The following NAA30 variants were observed in gnomAD, a reference collection of about 807,000 sequenced individuals.
NAA30 encodes N-alpha-acetyltransferase 30, NatC catalytic subunit.
A neutral mutation model predicts 31.4 loss-of-function variants in NAA30; 5 were observed. The observed-to-expected ratio is 0.16, with a 90% CI of 0.08 to 0.33. The LOEUF is 0.33. Among genes scored for constraint, NAA30 ranks in the 10% least tolerant of loss-of-function variants. The probability of loss-of-function intolerance (pLI) is 1.00; values close to 1 mark genes in which losing one functional copy is unlikely to be tolerated. For missense variants in NAA30, 428 were observed against 490.8 expected (o/e 0.87, Z 1.21); for synonymous variants, 222 against 207.1 (o/e 1.07, Z -0.62).
intron 2 of NAA30, among the ~76,000 whole-genome samples, chr14:57,394,604 G>A (rs979362277): frequency 3.9e-5 from 6 of 152,120 alleles, no homozygotes; most frequent in Non-Finnish European, 5.9e-5. Context: ...CATCGTAATG[G>A]TGTATGATAT....
At chr14:57,398,642 TA>T (rs936891913) in intron 3 of NAA30, among the ~76,000 whole-genome samples, 5 of 58,834 alleles carry the variant, frequency 8.5e-5, no homozygotes, top group African/African-American at 1.4e-4. Context: ...TTTTTATTAT[TA>T]TTTTTTTTTG....
intron 4 of NAA30, among the ~76,000 whole-genome samples, chr14:57,405,751 TA>T (rs1240633591): frequency 6.6e-6 from 1 of 152,232 alleles, no homozygotes; most frequent in East Asian, 1.9e-4. Flanking sequence ...GAAGGGCTTC[TA>T]GGTGCCAGAC....
intron 2 of NAA30, among the ~76,000 whole-genome samples, chr14:57,395,799 C>G (rs775677776): frequency 6.6e-6 from 1 of 152,062 alleles, no homozygotes; most frequent in African/African-American, 2.4e-5. Flanking sequence ...AAAAATGAGA[C>G]TATGCTACAC....
chr14:57,405,710 C>T (rs150838283), intron 4 of NAA30, among the ~76,000 whole-genome samples: 1 of 152,130 alleles, frequency 6.6e-6, no homozygotes, highest in Admixed American at 6.5e-5. Flanking sequence ...AAGAGCAGTA[C>T]TGTTTGTTGT....
At chr14:57,407,049 A>G (rs2139766064) in intron 4 of NAA30, among the ~76,000 whole-genome samples, 1 of 152,098 alleles carries the variant, frequency 6.6e-6, no homozygotes, top group East Asian at 1.9e-4. Flanking sequence ...ACACACCACC[A>G]CACCTGGCTA....
At position 57,405,421 on chromosome 14, in the gene NAA30, G is replaced by GTATATA. The variant is rs57769501; in HGVS notation, c.952-3947_952-3942dup. Among the ~76,000 whole-genome samples, 642 of 149,130 alleles carry GTATATA rather than the reference G, an allele frequency of 4.3e-3. 7 individuals carry two copies. The East Asian group carries it at 0.062, about 14-fold the overall frequency. On this transcript the variant is annotated intron_variant, in intron 4 of 4. Coordinates refer to ENST00000556492, the MANE Select transcript of NAA30 (RefSeq NM_001011713.3). ...ATGTATTTACTAATAATATATATGT[G>GTATATA]TATATATATATATATAAAACATCTT... is the stretch of plus-strand genomic sequence containing the variant.
intron 2 of NAA30, among the ~76,000 whole-genome samples, chr14:57,395,743 A>T (rs989189818): frequency 6.6e-6 from 1 of 152,194 alleles, no homozygotes; most frequent in African/African-American, 2.4e-5. Flanking sequence ...AACTATAAAT[A>T]TTCTGAGAGC....
chr14:57,398,195 T>C (rs1310359691), intron 3 of NAA30, among the ~76,000 whole-genome samples: 1 of 152,176 alleles, frequency 6.6e-6, no homozygotes, highest in Non-Finnish European at 1.5e-5. Context: ...ATATGTTAGG[T>C]TTAGCCAACT....
chr14:57,411,162 T>C lies in NAA30; in HGVS notation c.*1646T>C, dbSNP rs1045828686. ...TAAAAATAAAGATACACAATTTATATTTGAAAATAAAAACTTTCTGCTGGT... is the reference window on the plus strand; with the variant it reads ...TAAAAATAAAGATACACAATTTATACTTGAAAATAAAAACTTTCTGCTGGT... On this transcript the variant is annotated 3_prime_UTR_variant, in exon 5 of 5. Coordinates refer to ENST00000556492, the MANE Select transcript of NAA30 (RefSeq NM_001011713.3). The C allele has an allele frequency of 1.3e-5, 2 of 152,318 alleles. No homozygotes were observed. Among genetic ancestry groups the C allele is most frequent in the African/African-American group, 4.8e-5 (2 of 41,418 alleles). 9.4% of individuals were successfully genotyped at this position (152,318 alleles called of 1,614,324 possible).
intron 2 of NAA30, among the ~76,000 whole-genome samples, chr14:57,394,011 T>TG (rs1451954178): frequency 1.3e-5 from 2 of 151,544 alleles, no homozygotes; most frequent in African/African-American, 4.9e-5. Context: ...TAACCTGTAA[T>TG]GGGTCAATGG....
In NAA30 at chr14:57,411,487, A is replaced by G. The variant is rs1049383176; in HGVS notation, c.*1971A>G. 7.2e-5 allele frequency: 11 copies of G among 152,142 alleles called. No individual in the cohort carries two copies. Among genetic ancestry groups the G allele is most frequent in the Non-Finnish European group, 1.3e-4 (9 of 67,980 alleles). 9.4% of individuals were successfully genotyped at this position (152,142 alleles called of 1,614,324 possible). Reference sequence around the variant, plus strand: ...CTGGTTGATACATAATGGTTGATGAACATATATTTGCTTAAATCACTAATA... The same window carrying G: ...CTGGTTGATACATAATGGTTGATGAGCATATATTTGCTTAAATCACTAATA... On this transcript the variant is annotated 3_prime_UTR_variant, in exon 5 of 5. Coordinates refer to ENST00000556492, the MANE Select transcript of NAA30 (RefSeq NM_001011713.3).
intron 2 of NAA30, among the ~76,000 whole-genome samples, chr14:57,396,410 T>TAGG (rs1555337654): frequency 7.9e-5 from 12 of 151,724 alleles, no homozygotes; most frequent in East Asian, 1.9e-4. Flanking sequence ...TTCCAGAACC[T>TAGG]TAGGTCTTTG....
chr14:57,415,639 G>A lies in NAA30; in HGVS notation c.*6123G>A, dbSNP rs1160363691. 1 of 152,150 alleles carries A rather than the reference G, an allele frequency of 6.6e-6. No individual in the cohort carries two copies. The highest frequency in any genetic ancestry group is 1.5e-5 in the Non-Finnish European group (1 of 68,030). 9.4% of individuals were successfully genotyped at this position (152,150 alleles called of 1,614,324 possible). On this transcript the variant is annotated 3_prime_UTR_variant, in exon 5 of 5. Transcript: ENST00000556492. The stretch of plus-strand genomic sequence containing the variant: ...AACTTTTAAAAGTTTAAGATATAAA[G>A]TAATTGCTAAAATTTGTGAACTACT...
In NAA30 at chr14:57,410,447, T is replaced by C. The variant is rs528903258; in HGVS notation, c.*931T>C. The C allele has an allele frequency of 2.0e-5, 3 of 152,736 alleles. No individual in the cohort carries two copies. The highest frequency in any genetic ancestry group is 7.2e-5 in the African/African-American group (3 of 41,584). The allele number at this position is 152,736 out of a possible 1,614,324, so 9.5% of individuals were successfully genotyped here. On this transcript the variant is annotated 3_prime_UTR_variant, in exon 5 of 5. Transcript: ENST00000556492. ...AATAGAAAATTAGTGTAAGTTGATA[T>C]GATTTTATTTAATCAAAATTACTGC...
Position 57,410,518 on chromosome 14 carries a change from C to G in NAA30, c.*1002C>G, listed in dbSNP as rs8008483. 42 of 152,568 alleles carry G rather than the reference C, an allele frequency of 2.8e-4. No homozygotes were observed. The highest frequency in any genetic ancestry group is 7.9e-4 in the African/African-American group (33 of 41,554). The allele number at this position is 152,568 out of a possible 1,614,324, so 9.5% of individuals were successfully genotyped here. A position where few individuals can be genotyped will look rare whatever the true frequency, so the allele number is the denominator to read the frequency against. ...TTACAAAGTAGCTGAATTTGTTTTT[C>G]CCACTTGATTTGGATTCACATTGCT... On this transcript the variant is annotated 3_prime_UTR_variant, in exon 5 of 5. Coordinates refer to ENST00000556492, the MANE Select transcript of NAA30 (RefSeq NM_001011713.3).
chr14:57,391,799 C>A lies in NAA30; in HGVS notation c.771+71C>A. On this transcript the variant is annotated intron_variant, in intron 2 of 4. Transcript: ENST00000556492. The surrounding 1 kb of genome is among the most constrained non-coding windows in gnomAD (Gnocchi z 4.1). ...ACTGTGCGGGGCAGGGAGTGAGGGC[C>A]CAGAATGTGGCAGTGGATATCTCCT... 1 of 1,273,982 alleles carries A rather than the reference C, an allele frequency of 7.8e-7. No individual in the cohort carries two copies. The highest frequency in any genetic ancestry group is 1.1e-6 in the Non-Finnish European group (1 of 914,096). The allele number at this position is 1,273,982 out of a possible 1,614,324, so 78.9% of individuals were successfully genotyped here.
rs2066493850 is a variant in NAA30 at position 57,405,290 on chromosome 14, C to T, written c.952-4089C>T. On this transcript the variant is annotated intron_variant, in intron 4 of 4. Coordinates refer to ENST00000556492, the MANE Select transcript of NAA30 (RefSeq NM_001011713.3). ...ATTTTTTGAAATAACTTATACTTTT[C>T]TAAATTAGAAAAGTCCAACTTAGAA... 1.3e-5 allele frequency among the ~76,000 whole-genome samples: 2 copies of T among 151,888 alleles called. 1 individual carries two copies. The highest frequency in any genetic ancestry group is 4.1e-4 in the South Asian group (2 of 4,830).
chr14:57,409,560 C>A lies in NAA30; in HGVS notation c.*44C>A. The A allele has an allele frequency of 6.5e-7, 1 of 1,543,568 alleles. No individual in the cohort carries two copies. Among genetic ancestry groups the A allele is most frequent in the South Asian group, 1.3e-5 (1 of 79,112 alleles). ...CAACTATCATCCGCACAGAATCGAC[C>A]TTTGCATGCAATGCAATTTGTACAG... On this transcript the variant is annotated 3_prime_UTR_variant, in exon 5 of 5. Coordinates refer to ENST00000556492, the MANE Select transcript of NAA30 (RefSeq NM_001011713.3).
intron 4 of NAA30, among the ~76,000 whole-genome samples, chr14:57,403,536 C>CAGTA (rs1431155790): frequency 1.3e-5 from 2 of 152,156 alleles, no homozygotes; most frequent in African/African-American, 4.8e-5. Flanking sequence ...TATGTTAAAA[C>CAGTA]AGTATAGCTA....
Sources: gnomAD v4.1 joint callset for allele counts (sites outside exome capture counted in the v4.1 genomes callset) on GRCh38, gnomAD v4.1.1 for gene constraint, Gnocchi (gnomAD v3.1) non-coding constraint, MANE v1.5 for transcripts, NCBI Gene and HGNC (gene_info 2026-07-23, HGNC 2026-07-21) for gene names.